The following COL4A3 variants were observed in gnomAD, a reference collection of about 807,000 sequenced individuals.
The protein encoded by COL4A3 is collagen type IV alpha 3 chain, also known as collagen alpha-3(IV) chain.
A neutral mutation model predicts 217.4 loss-of-function variants in COL4A3; 135 were observed. The ratio of observed to expected loss-of-function variants is 0.62; its 90% CI spans 0.54 to 0.72. COL4A3 has a LOEUF of 0.72. COL4A3 is among the 30% of genes least tolerant of loss of function. COL4A3 has a pLI of 0.00. For missense variants in COL4A3, 1,868 were observed against 2,119.9 expected (o/e 0.88, Z 2.33); for synonymous variants, 690 against 736.3 (o/e 0.94, Z 1.02).
chr2:227,210,666 C>T (rs931488603), intron 1 of COL4A3, among the ~76,000 whole-genome samples: 1 of 152,254 alleles, frequency 6.6e-6, no homozygotes, highest in Non-Finnish European at 1.5e-5. Flanking sequence ...CACGCAGGTG[C>T]ACACATATGC....
intron 1 of COL4A3, among the ~76,000 whole-genome samples, chr2:227,203,298 T>C: frequency 2.7e-5 from 2 of 74,330 alleles, no homozygotes; most frequent in Non-Finnish European, 5.4e-5. Flanking sequence ...CATATATGTG[T>C]ATATATGTGT....
intron 20 of COL4A3, 58 bp from the exon 21 acceptor site, chr2:227,263,722 T>C (rs2125971952): frequency 6.7e-7 from 1 of 1,502,188 alleles, no homozygotes; most frequent in Non-Finnish European, 9.1e-7. Context: ...AATTAAAAAA[T>C]AAATTCGTAT....
chr2:227,254,315 C>A (rs2070009054), intron 14 of COL4A3, 141 bp downstream of exon 14: 2 of 747,884 alleles, frequency 2.7e-6, no homozygotes, highest in South Asian at 1.6e-5. Flanking sequence ...ACAGGCAGAG[C>A]AGCTATTGCT....
Position 227,304,424 on chromosome 2 carries a change from C to G in COL4A3, c.4153+280C>G, listed in dbSNP as rs2073419497. On this transcript the variant is annotated intron_variant, in intron 46 of 51. Coordinates refer to ENST00000396578, the MANE Select transcript of COL4A3 (RefSeq NM_000091.5). ...TTTATTAAGGTAAAGGTATGTCTAT[C>G]TCCTCTGACAACTGTCAGTCTCGGG... The G allele has an allele frequency of 9.9e-6, 4 of 403,910 alleles. No homozygotes were observed. The South Asian group carries it at 1.0e-4, about 10-fold the overall frequency. The allele number at this position is 403,910 out of a possible 1,614,324, so 25.0% of individuals were successfully genotyped here. A position where few individuals can be genotyped will look rare whatever the true frequency, so the allele number is the denominator to read the frequency against.
chr2:227,188,505 C>G (rs763916134), intron 1 of COL4A3, among the ~76,000 whole-genome samples: 8 of 151,734 alleles, frequency 5.3e-5, no homozygotes, highest in Admixed American at 4.6e-4. Flanking sequence ...ACTTCTCCCC[C>G]ACTCCATCTC....
intron 26 of COL4A3, among the ~76,000 whole-genome samples, chr2:227,275,702 G>A (rs535021164): frequency 3.3e-5 from 5 of 152,130 alleles, no homozygotes; most frequent in South Asian, 4.2e-4. Flanking sequence ...TTTCCCCCGC[G>A]ACAGATGAGG....
At chr2:227,190,785 T>C (rs1225728780) in intron 1 of COL4A3, among the ~76,000 whole-genome samples, 2 of 152,132 alleles carry the variant, frequency 1.3e-5, no homozygotes, top group African/African-American at 4.8e-5. Context: ...CACACACCTG[T>C]AGTCCCAGCT....
intron 23 of COL4A3, among the ~76,000 whole-genome samples, chr2:227,267,567 C>T (rs1016898528): frequency 3.3e-5 from 5 of 152,156 alleles, no homozygotes; most frequent in African/African-American, 9.7e-5. Context: ...CAACATCCTC[C>T]GTGCTGGGGA....
At chr2:227,304,275 C>G (rs141702932) in intron 46 of COL4A3, 131 bp downstream of exon 46, 200 of 1,213,634 alleles carry the variant, frequency 1.6e-4, no homozygotes, top group Non-Finnish European at 2.3e-4. Context: ...CACAATCAGT[C>G]TTAGGATTGA....
At chr2:227,208,793 CACACACACACACATATAT>C (rs747543656) in intron 1 of COL4A3, among the ~76,000 whole-genome samples, 11,129 of 131,078 alleles carry the variant, frequency 0.085, 576 homozygotes, top group African/African-American at 0.15. Context: ...CACACACACA[CACACACACACACATATAT>C]ACAGAAGGAG....
At chr2:227,284,452 G>A (rs2072195991) in intron 34 of COL4A3, 107 bp downstream of exon 34, 4 of 1,298,558 alleles carry the variant, frequency 3.1e-6, no homozygotes, top group Non-Finnish European at 3.3e-6. Context: ...GAGGGCCAGT[G>A]TTTAGTTACC....
Position 227,196,519 on chromosome 2 carries a change from G to A in COL4A3, c.87+31706G>A, listed in dbSNP as rs562674307. On this transcript the variant is annotated intron_variant, in intron 1 of 51. Coordinates refer to ENST00000396578, the MANE Select transcript of COL4A3 (RefSeq NM_000091.5). Reference sequence around the variant, plus strand: ...TTTTTAGTAGAGACAGGGTTTCACCGTGATAGCCAGGATGGTCTCGATCTC... The same window carrying A: ...TTTTTAGTAGAGACAGGGTTTCACCATGATAGCCAGGATGGTCTCGATCTC... Among the ~76,000 whole-genome samples the A allele has an allele frequency of 1.4e-4, 22 of 151,788 alleles. No homozygotes were observed. The South Asian group carries it at 3.1e-3, about 22-fold the overall frequency.
At position 227,303,904 on chromosome 2, in the gene COL4A3, G is replaced by A. The variant is rs375290088; in HGVS notation, c.4001G>A (p.Gly1334Glu). 1.9e-6 allele frequency: 3 copies of A among 1,614,084 alleles called. No homozygotes were observed. Among genetic ancestry groups the A allele is most frequent in the African/African-American group, 2.7e-5 (2 of 74,928 alleles). The change falls in exon 45 of 52, where the codon GGA (glycine) becomes GAA (glutamate). Residue 1334 changes from glycine to glutamate, a missense_variant. This residue lies in a region of COL4A3 where 1,503 missense variants were observed against 1,786.1 expected (regional missense o/e 0.84). Transcript: ENST00000396578. ...TTTCTAGGATCCATTGGACCTCCAG[G>A]ACCAATTGGGCCAAAAGGACCACCT... ...PGFLGSIGPP[G>E]PIGPKGPPGV...
intron 41 of COL4A3, chr2:227,296,351 A>G (rs954750412): frequency 4.5e-6 from 1 of 219,924 alleles, no homozygotes; most frequent in African/African-American, 2.3e-5. Context: ...CAGTTTAACC[A>G]TTTGGAATGA....
In COL4A3 at chr2:227,307,846, G is replaced by T; in HGVS notation, c.4389G>T (p.Gly1463=). ...CAGCAATTCCTTCATGTCCAGAGGG[G>T]ACAGTGCCACTCTACAGTGGGTTTT... ...QTTAIPSCPE[G]TVPLYSGFSF... Residue 1463 remains glycine (G), a synonymous_variant, in exon 48 of 52, where the codon GGG becomes GGT. Coordinates refer to ENST00000396578, the MANE Select transcript of COL4A3 (RefSeq NM_000091.5). The T allele has an allele frequency of 6.2e-7, 1 of 1,614,176 alleles. No individual in the cohort carries two copies. The highest frequency in any genetic ancestry group is 8.5e-7 in the Non-Finnish European group (1 of 1,180,026).
chr2:227,246,798 T>C (rs369948212), intron 7 of COL4A3, 60 bp downstream of exon 7: 6 of 1,375,310 alleles, frequency 4.4e-6, no homozygotes, highest in Non-Finnish European at 6.2e-6. Context: ...AGTGGTCTAC[T>C]CCATATGGCC....
chr2:227,186,807 C>T (rs1411159767), intron 1 of COL4A3, among the ~76,000 whole-genome samples: 2 of 150,180 alleles, frequency 1.3e-5, no homozygotes, highest in Non-Finnish European at 3.0e-5. Context: ...AATTGGGTGG[C>T]TTATAAATAA....
At chr2:227,183,617 T>C (rs2065925832) in intron 1 of COL4A3, among the ~76,000 whole-genome samples, 1 of 152,172 alleles carries the variant, frequency 6.6e-6, no homozygotes, top group Non-Finnish European at 1.5e-5. Flanking sequence ...CAAGATGAGA[T>C]AGTATGTCCA....
chr2:227,201,841 C>A (rs921217015), intron 1 of COL4A3, among the ~76,000 whole-genome samples: 1 of 152,160 alleles, frequency 6.6e-6, no homozygotes, highest in Non-Finnish European at 1.5e-5. Flanking sequence ...TTCTAAGCAC[C>A]TCCTGATCCC....
Sources: gnomAD v4.1 joint callset for allele counts (sites outside exome capture counted in the v4.1 genomes callset) on GRCh38, gnomAD v4.1.1 for gene constraint, gnomAD v4.1.1 regional missense constraint, MANE v1.5 for transcripts, NCBI Gene and HGNC (gene_info 2026-07-23, HGNC 2026-07-21) for gene names.